NDRG3: variants seen among roughly 807,000 people sequenced by gnomAD.
NDRG3 encodes NDRG family member 3.
NDRG3 carries 23 observed loss-of-function variants against 57.2 expected under a neutral mutation model. That is an observed-to-expected ratio of 0.40 (90% CI 0.29 to 0.57). The LOEUF is 0.57. Among genes scored for constraint, NDRG3 ranks in the 20% least tolerant of loss-of-function variants. The probability of loss-of-function intolerance (pLI) is 0.42; values close to 1 mark genes in which losing one functional copy is unlikely to be tolerated. For missense variants in NDRG3, 384 were observed against 457.3 expected (o/e 0.84, Z 1.46); for synonymous variants, 132 against 162.6 (o/e 0.81, Z 1.43).
intron 3 of NDRG3, among the ~76,000 whole-genome samples, chr20:36,705,623 T>G (rs1983508099): frequency 6.6e-6 from 1 of 152,236 alleles, no homozygotes; most frequent in Non-Finnish European, 1.5e-5. Context: ...CCTCTGGGTC[T>G]ACTTCATGTC....
At chr20:36,712,564 T>TAC (rs1249985761) in intron 2 of NDRG3, among the ~76,000 whole-genome samples, 153 of 14,422 alleles carry the variant, frequency 0.011, 1 homozygote, top group Non-Finnish European at 0.027. Context: ...CCCGGCTATA[T>TAC]ATATATATAT....
chr20:36,679,556 C>T (rs370624871), intron 8 of NDRG3, among the ~76,000 whole-genome samples: 46 of 150,628 alleles, frequency 3.1e-4, no homozygotes, highest in Middle Eastern at 6.9e-3. Flanking sequence ...CAGGCTGGAG[C>T]GCAATGGTGT....
intron 5 of NDRG3, among the ~76,000 whole-genome samples, chr20:36,686,723 C>A (rs1293638820): frequency 6.6e-6 from 1 of 152,188 alleles, no homozygotes; most frequent in Non-Finnish European, 1.5e-5. Flanking sequence ...GCCAGGACAG[C>A]CTCTCAGAAT....
At chr20:36,699,693 GGTGTGT>G (rs368581166) in intron 3 of NDRG3, among the ~76,000 whole-genome samples, 4 of 149,482 alleles carry the variant, frequency 2.7e-5, no homozygotes, top group African/African-American at 7.4e-5. Flanking sequence ...GTGGTGGTAG[GGTGTGT>G]GTGTGTGTGT....
rs1488611670 is a variant in NDRG3, at chr20:36,688,858, G to A, written c.94-74C>T. 2.9e-6 allele frequency: 3 copies of A among 1,025,222 alleles called. No homozygotes were observed. The African/African-American group carries it at 4.7e-5, about 16-fold the overall frequency. 63.5% of individuals were successfully genotyped at this position (1,025,222 alleles called of 1,614,324 possible). On this transcript the variant is annotated intron_variant, in intron 3 of 15. Coordinates refer to ENST00000349004, the MANE Select transcript of NDRG3 (RefSeq NM_032013.4). ...AGGTTGCCAAAGTTTCACAATACCTGCTTTACCACCGTTTCCCACGAGCTG... is the reference window on the plus strand; with the variant it reads ...AGGTTGCCAAAGTTTCACAATACCTACTTTACCACCGTTTCCCACGAGCTG...
At chr20:36,702,911 C>T (rs1285017674) in intron 3 of NDRG3, among the ~76,000 whole-genome samples, 2 of 151,682 alleles carry the variant, frequency 1.3e-5, no homozygotes, top group South Asian at 2.1e-4. Context: ...CTTGAACTCC[C>T]GACCTCAGGT....
At chr20:36,715,617 A>C (rs894818706) in intron 2 of NDRG3, among the ~76,000 whole-genome samples, 1 of 150,250 alleles carries the variant, frequency 6.7e-6, no homozygotes, top group Admixed American at 6.7e-5. Context: ...CAGGAGTTTG[A>C]GATCAGCGTG....
chr20:36,671,111 G>A (rs1201728762), intron 9 of NDRG3, among the ~76,000 whole-genome samples: 1 of 152,148 alleles, frequency 6.6e-6, no homozygotes, highest in Non-Finnish European at 1.5e-5. Context: ...TCTACTTACA[G>A]GAACAGGTAG....
chr20:36,743,450 C>T (rs1303761667), intron 1 of NDRG3, among the ~76,000 whole-genome samples: 2 of 151,820 alleles, frequency 1.3e-5, no homozygotes, highest in African/African-American at 4.8e-5. Flanking sequence ...GCCGAGATTG[C>T]GCCACTGCAC....
At chr20:36,684,244 A>G (rs921280364) in intron 6 of NDRG3, among the ~76,000 whole-genome samples, 169 bp downstream of exon 6, 2 of 152,172 alleles carry the variant, frequency 1.3e-5, no homozygotes, top group African/African-American at 4.8e-5. Flanking sequence ...ACCCCCACTG[A>G]CTTATTTTAT....
At chr20:36,711,775 T>C (rs1360401199) in intron 2 of NDRG3, among the ~76,000 whole-genome samples, 1 of 152,212 alleles carries the variant, frequency 6.6e-6, no homozygotes, top group Non-Finnish European at 1.5e-5. Flanking sequence ...TATTTAGCAC[T>C]TGTTTTCCTG....
intron 5 of NDRG3, 93 bp downstream of exon 5, chr20:36,687,399 A>G: frequency 6.8e-7 from 1 of 1,476,426 alleles, no homozygotes; most frequent in East Asian, 2.3e-5. Context: ...CGGTAATAAA[A>G]TCAAAGGGAA....
intron 9 of NDRG3, among the ~76,000 whole-genome samples, chr20:36,666,853 A>G (rs79324277): frequency 0.018 from 2,676 of 152,230 alleles, 34 homozygotes; most frequent in Non-Finnish European, 0.027. Flanking sequence ...TTCTTTTTTT[A>G]TAAGATGGAG....
intron 3 of NDRG3, among the ~76,000 whole-genome samples, chr20:36,693,204 A>G (rs1356606695): frequency 1.4e-5 from 2 of 138,460 alleles, no homozygotes; most frequent in Non-Finnish European, 3.1e-5. Context: ...ACACATATAT[A>G]TGTGTATATA....
At chr20:36,703,702 T>A (rs1019985906) in intron 3 of NDRG3, among the ~76,000 whole-genome samples, 11 of 152,206 alleles carry the variant, frequency 7.2e-5, no homozygotes, top group Non-Finnish European at 1.2e-4. Context: ...TTCTCCTGCA[T>A]TAGCCTCCCA....
chr20:36,689,526 C>T (rs950286493), intron 3 of NDRG3, among the ~76,000 whole-genome samples: 2 of 152,100 alleles, frequency 1.3e-5, no homozygotes, highest in Non-Finnish European at 2.9e-5. Context: ...GATAATTTCA[C>T]CAGACACCTA....
chr20:36,653,719 G>T lies in NDRG3; in HGVS notation c.947-18C>A. ...AGATGGTACTGTAACAGAGAACCAAGGGGACTAGAAGATGAAGCCCCGGTT... is the reference window on the plus strand; with the variant it reads ...AGATGGTACTGTAACAGAGAACCAATGGGACTAGAAGATGAAGCCCCGGTT... On this transcript the variant is annotated intron_variant, in intron 15 of 15. Transcript: ENST00000349004. The surrounding 1 kb of genome is among the most constrained non-coding windows in gnomAD (Gnocchi z 4.2). 2 of 1,608,044 alleles carry T rather than the reference G, an allele frequency of 1.2e-6. No individual in the cohort carries two copies. The highest frequency in any genetic ancestry group is 8.5e-7 in the Non-Finnish European group (1 of 1,177,680).
intron 15 of NDRG3, chr20:36,654,904 A>G: frequency 1.3e-6 from 1 of 778,496 alleles, no homozygotes; most frequent in Non-Finnish European, 2.4e-6. Context: ...TGGCAACCTC[A>G]GCTGCCTGGT....
At chr20:36,695,901 A>G (rs1488682721) in intron 3 of NDRG3, among the ~76,000 whole-genome samples, 1 of 152,088 alleles carries the variant, frequency 6.6e-6, no homozygotes, top group Non-Finnish European at 1.5e-5. Context: ...GCTAATAAAA[A>G]CTTGCTGGTT....
Sources: gnomAD v4.1 joint callset for allele counts (sites outside exome capture counted in the v4.1 genomes callset) on GRCh38, gnomAD v4.1.1 for gene constraint, Gnocchi (gnomAD v3.1) non-coding constraint, MANE v1.5 for transcripts, NCBI Gene and HGNC (gene_info 2026-07-23, HGNC 2026-07-21) for gene names.